MDGA2: variants seen among roughly 807,000 people sequenced by gnomAD.
MDGA2 encodes the protein MAM domain-containing glycosylphosphatidylinositol anchor protein 2.
In MDGA2, 40 loss-of-function variants were observed where a neutral mutation model predicts 117.8. That is an observed-to-expected ratio of 0.34 (90% confidence interval 0.26 to 0.44). The LOEUF is 0.44. MDGA2 is among the 20% of genes least tolerant of loss of function. The probability of loss-of-function intolerance (pLI) is 1.00; values close to 1 mark genes in which losing one functional copy is unlikely to be tolerated. For synonymous variants in MDGA2, 452 were observed against 439.0 expected, an observed-to-expected ratio of 1.03 and a Z score of -0.37; for missense variants, 1,123 against 1,250.6, an observed-to-expected ratio of 0.90 and a Z score of 1.54.
chr14:47,148,032 G>A (rs892642052), intron 3 of MDGA2, among the ~76,000 whole-genome samples: 2 of 152,004 alleles, frequency 1.3e-5, no homozygotes, highest in South Asian at 2.1e-4. Context: ...CATTAACTGG[G>A]TATCAAACAT....
At chr14:47,305,521 T>A in intron 1 of MDGA2, among the ~76,000 whole-genome samples, 1 of 152,236 alleles carries the variant, frequency 6.6e-6, no homozygotes, top group East Asian at 1.9e-4. Flanking sequence ...CATTCTTTTA[T>A]CTTGTTAGAA....
chr14:47,484,894 T>C (rs1894027075), intron 1 of MDGA2, among the ~76,000 whole-genome samples: 1 of 152,164 alleles, frequency 6.6e-6, no homozygotes, highest in Non-Finnish European at 1.5e-5. Context: ...TCCCCAGCCA[T>C]GTGGAACTGT....
chr14:47,656,877 G>T (rs1220042309), intron 1 of MDGA2, among the ~76,000 whole-genome samples: 3 of 152,124 alleles, frequency 2.0e-5, no homozygotes, highest in Non-Finnish European at 2.9e-5. Context: ...CTTTCAACCT[G>T]GGTGGACCTT....
chr14:47,068,160 A>T (rs550200341), intron 6 of MDGA2, among the ~76,000 whole-genome samples: 1 of 152,140 alleles, frequency 6.6e-6, no homozygotes, highest in South Asian at 2.1e-4. Context: ...ACAGTTAATC[A>T]TTTGAATTGT....
chr14:47,484,692 G>T (rs1894021752), intron 1 of MDGA2, among the ~76,000 whole-genome samples: 1 of 152,120 alleles, frequency 6.6e-6, no homozygotes, highest in African/African-American at 2.4e-5. Flanking sequence ...TTGTGGGAGG[G>T]ACCCCGTGGG....
chr14:46,923,665 C>T (rs1404287689), intron 9 of MDGA2, among the ~76,000 whole-genome samples: 2 of 140,688 alleles, frequency 1.4e-5, no homozygotes, highest in Admixed American at 1.4e-4. Flanking sequence ...ACTGAGCCTA[C>T]TGTGGAAAAG....
At chr14:47,579,306 C>A (rs1290245624) in intron 1 of MDGA2, among the ~76,000 whole-genome samples, 2 of 151,896 alleles carry the variant, frequency 1.3e-5, no homozygotes, top group Non-Finnish European at 1.5e-5. Flanking sequence ...TATTATTCAT[C>A]CACTTATTCT....
chr14:47,549,035 C>G (rs773220794), intron 1 of MDGA2, among the ~76,000 whole-genome samples: 2 of 151,996 alleles, frequency 1.3e-5, no homozygotes, highest in Non-Finnish European at 2.9e-5. Context: ...GGGGCTTTTT[C>G]AGGGATCTGC....
chr14:47,547,498 A>G (rs1265789773), intron 1 of MDGA2, among the ~76,000 whole-genome samples: 1 of 152,152 alleles, frequency 6.6e-6, no homozygotes, highest in Non-Finnish European at 1.5e-5. Flanking sequence ...GTTTGGTCTG[A>G]ACGGAATACA....
At chr14:47,612,298 T>G (rs2138907468) in intron 1 of MDGA2, among the ~76,000 whole-genome samples, 1 of 152,190 alleles carries the variant, frequency 6.6e-6, no homozygotes, top group East Asian at 1.9e-4. Flanking sequence ...GCATAAAGTG[T>G]GACACCCCAC....
At chr14:47,047,753 G>A (rs1384748096) in intron 7 of MDGA2, among the ~76,000 whole-genome samples, 1 of 151,794 alleles carries the variant, frequency 6.6e-6, no homozygotes, top group African/African-American at 2.4e-5. Flanking sequence ...TCATACTTAT[G>A]ATGTCTCGAG....
At chr14:47,309,773 T>C (rs1287138004) in intron 1 of MDGA2, among the ~76,000 whole-genome samples, 1 of 152,142 alleles carries the variant, frequency 6.6e-6, no homozygotes, top group African/African-American at 2.4e-5. Flanking sequence ...AAATTACTTG[T>C]TTATGTGCAG....
intron 8 of MDGA2, among the ~76,000 whole-genome samples, chr14:47,028,144 C>G (rs544163788): frequency 8.7e-4 from 132 of 152,194 alleles, no homozygotes; most frequent in Non-Finnish European, 1.6e-3. Context: ...AGTCAAAGCT[C>G]TCTTCGAAGT....
intron 1 of MDGA2, among the ~76,000 whole-genome samples, chr14:47,399,058 C>A (rs536789669): frequency 6.6e-6 from 1 of 152,212 alleles, no homozygotes; most frequent in African/African-American, 2.4e-5. Context: ...GAGCCCTCTG[C>A]CTCTCTAGAA....
At chr14:47,116,212 CA>C (rs1881321728) in intron 5 of MDGA2, among the ~76,000 whole-genome samples, 1 of 151,856 alleles carries the variant, frequency 6.6e-6, no homozygotes. Context: ...ACTACGGAAG[CA>C]AAAGGCTTGT....
chr14:47,301,879 T>C (rs1258435743), intron 1 of MDGA2, among the ~76,000 whole-genome samples: 8 of 152,058 alleles, frequency 5.3e-5, no homozygotes, highest in Non-Finnish European at 1.2e-4. Flanking sequence ...TTTAACATAG[T>C]AAGGAATATT....
Position 47,619,412 on chromosome 14 carries a change from C to A in MDGA2, c.280+55105G>T, listed in dbSNP as rs991614785. Reference sequence around the variant, plus strand: ...TTTTTTTGAATGAATTAGCAAACAGCTTTAAGTACATTAAAACTAATACTA... The same window carrying A: ...TTTTTTTGAATGAATTAGCAAACAGATTTAAGTACATTAAAACTAATACTA... On this transcript the variant is annotated intron_variant, in intron 1 of 16. Transcript: ENST00000399232. Among the ~76,000 whole-genome samples, 4 of 152,112 alleles carry A rather than the reference C, an allele frequency of 2.6e-5. No individual in the cohort carries two copies. In the South Asian group the frequency reaches 8.3e-4, roughly 32 times the overall value.
chr14:47,496,064 A>C (rs1237561730), intron 1 of MDGA2, among the ~76,000 whole-genome samples: 2 of 152,042 alleles, frequency 1.3e-5, no homozygotes, highest in Admixed American at 6.6e-5. Flanking sequence ...TTAATAATTA[A>C]AATATATTTT....
rs145610149 is a variant in MDGA2, at chr14:47,476,471, A to T, written c.281-174921T>A. Among the ~76,000 whole-genome samples, 1,094 of 152,296 alleles carry T rather than the reference A, an allele frequency of 7.2e-3. 12 individuals are homozygous for T. Among genetic ancestry groups the T allele is most frequent in the African/African-American group, 0.025 (1,035 of 41,578 alleles). Reference sequence around the variant, plus strand: ...AAATGAATATATTTGTTAATCAAATATCATATGATGTCATTGAATTTGATC... The same window carrying T: ...AAATGAATATATTTGTTAATCAAATTTCATATGATGTCATTGAATTTGATC... On this transcript the variant is annotated intron_variant, in intron 1 of 16. Coordinates refer to ENST00000399232, the MANE Select transcript of MDGA2 (RefSeq NM_001113498.3).
Sources: gnomAD v4.1 joint callset for allele counts (sites outside exome capture counted in the v4.1 genomes callset) on GRCh38, gnomAD v4.1.1 for gene constraint, MANE v1.5 for transcripts, NCBI Gene and HGNC (gene_info 2026-07-23, HGNC 2026-07-21) for gene names.